Variants in SETD9 observed in about 807,000 individuals in gnomAD.
SETD9 encodes the protein SET domain containing 9.
SETD9 carries 37 observed loss-of-function variants against 36.4 expected under a neutral mutation model. That is an observed-to-expected ratio of 1.02 (90% confidence interval 0.78 to 1.34). The LOEUF (loss-of-function observed/expected upper bound fraction) is 1.34. SETD9 is among the 40% of genes most tolerant of loss of function. The pLI, the probability that SETD9 is intolerant of heterozygous loss-of-function variation, is 0.00. For synonymous variants in SETD9, 128 were observed against 132.9 expected, an observed-to-expected ratio of 0.96 and a Z score of 0.26; for missense variants, 323 against 353.2, an observed-to-expected ratio of 0.91 and a Z score of 0.69.
At chr5:56,916,727 T>C (rs1749446133) in intron 5 of SETD9, 88 bp from the exon 6 acceptor site, 6 of 1,372,204 alleles carry the variant, frequency 4.4e-6, no homozygotes, top group African/African-American at 1.5e-5. Context: ...TGAGTAAAGT[T>C]ACCTCTATAA....
chr5:56,917,520 T>C (rs550376954), downstream of SETD9, among the ~76,000 whole-genome samples: 10 of 152,328 alleles, frequency 6.6e-5, no homozygotes, highest in African/African-American at 2.4e-4. Flanking sequence ...GTCTCATGTC[T>C]TCATGTGGAG....
At position 56,910,436 on chromosome 5, in the gene SETD9, C is replaced by T. The variant is rs1383289446; in HGVS notation, c.98+693C>T. 5 of 1,286,848 alleles carry T rather than the reference C, an allele frequency of 3.9e-6. No individual in the cohort carries two copies. In the South Asian group the frequency reaches 5.0e-5, roughly 13 times the overall value. 79.7% of individuals were successfully genotyped at this position (1,286,848 alleles called of 1,614,324 possible). The stretch of plus-strand genomic sequence containing the variant: ...TTATTAAGGGCGCACCAGTGATCAG[C>T]TCAACACCGTGCTCACCAAAGAGGC... On this transcript the variant is annotated intron_variant, in intron 1 of 5. Coordinates refer to ENST00000285947, the MANE Select transcript of SETD9 (RefSeq NM_153706.4).
chr5:56,909,679 C>T lies in SETD9; in HGVS notation c.34C>T (p.Arg12Ter). ...CCGTCTGCTGCGGGGCCTGTGGCAG[C>T]GATGGCGCCGTTACAAGTACCGCTT... Reference protein sequence around the residue: ...PGRLLRGLWQRWRRYKYRFVP... With the variant: ...PGRLLRGLWQ Residue 12 changes from arginine to a stop codon, truncating the protein, a stop_gained, in exon 1 of 6, where the codon CGA (arginine) becomes TGA (stop). Coordinates refer to ENST00000285947, the MANE Select transcript of SETD9 (RefSeq NM_153706.4). LOFTEE classifies it high-confidence loss of function. 1 of 1,609,396 alleles carries T rather than the reference C, an allele frequency of 6.2e-7. No homozygotes were observed. The highest frequency in any genetic ancestry group is 8.5e-7 in the Non-Finnish European group (1 of 1,178,478).
chr5:56,911,254 G>A lies in SETD9; in HGVS notation c.184G>A (p.Ala62Thr). Reference protein sequence around the residue: ...VLGTLLKVFQALFLNDFNKQS... With the variant: ...VLGTLLKVFQTLFLNDFNKQS... Reference sequence around the variant, plus strand: ...AGGAACATTACTGAAAGTTTTCCAGGCTCTATTCTTAAATGATTTCAATAA... The same window carrying A: ...AGGAACATTACTGAAAGTTTTCCAGACTCTATTCTTAAATGATTTCAATAA... Residue 62 changes from alanine to threonine, a missense_variant, in exon 2 of 6, where the codon GCT becomes ACT. By Grantham distance (58) the Ala-to-Thr change is moderately conservative. Transcript: ENST00000285947. 1 of 1,608,388 alleles carries A rather than the reference G, an allele frequency of 6.2e-7. No individual in the cohort carries two copies. Among genetic ancestry groups the A allele is most frequent in the Admixed American group, 1.7e-5 (1 of 58,890 alleles).
At chr5:56,910,102 C>G (rs1749032314) in intron 1 of SETD9, 1 of 1,252,302 alleles carries the variant, frequency 8.0e-7, no homozygotes, top group South Asian at 1.5e-5. Flanking sequence ...CTGTTCTTCC[C>G]TGTTGCGTTC....
At chr5:56,920,824 C>G (rs962819488), downstream of SETD9, 2 of 152,410 alleles carry the variant, frequency 1.3e-5, no homozygotes, top group African/African-American at 2.4e-5. Flanking sequence ...ATACAAAAAT[C>G]TTGCAAATTA....
downstream of SETD9, among the ~76,000 whole-genome samples, chr5:56,918,761 C>T (rs1398009321): frequency 2.0e-5 from 3 of 152,194 alleles, no homozygotes; most frequent in Non-Finnish European, 4.4e-5. Context: ...CTTTTATCCC[C>T]TTCTTGGCCT....
chr5:56,912,129 T>C (rs1749165789), intron 2 of SETD9: 2 of 958,562 alleles, frequency 2.1e-6, no homozygotes, highest in Admixed American at 1.2e-4. Flanking sequence ...CGCTCCAGCC[T>C]GGGTGACAGT....
chr5:56,910,249 A>G, intron 1 of SETD9: 1 of 1,300,724 alleles, frequency 7.7e-7, no homozygotes, highest in East Asian at 5.6e-5. Flanking sequence ...AAGCCAAGCC[A>G]GGGTTTATTT....
At chr5:56,923,545 A>G (rs1409625569) in intron 5 of SETD9, 4 of 1,613,948 alleles carry the variant, frequency 2.5e-6, no homozygotes, top group Non-Finnish European at 3.4e-6. Flanking sequence ...AACAATTCAC[A>G]TCTGTGGGGT....
chr5:56,913,222 T>A, intron 3 of SETD9, 88 bp downstream of exon 3: 2 of 1,416,152 alleles, frequency 1.4e-6, no homozygotes, highest in Non-Finnish European at 1.9e-6. Context: ...TGTACTTTAT[T>A]TATTTTTTAT....
At chr5:56,909,358 G>A (rs1380059705), upstream of SETD9, 4 of 335,238 alleles carry the variant, frequency 1.2e-5, no homozygotes, top group Non-Finnish European at 1.6e-5. Flanking sequence ...CCGCAACCAG[G>A]GCTAGCGCTT....
At chr5:56,927,773 T>C (rs936581178), downstream of SETD9, 5 of 152,210 alleles carry the variant, frequency 3.3e-5, no homozygotes, top group African/African-American at 9.6e-5. Flanking sequence ...GTACATTCTA[T>C]GGGTTTTGAC....
Position 56,911,217 on chromosome 5 carries a change from T to C in SETD9, c.147T>C (p.Asp49=), listed in dbSNP as rs1749102902. 1.3e-6 allele frequency: 2 copies of C among 1,581,432 alleles called. No individual in the cohort carries two copies. The highest frequency in any genetic ancestry group is 4.5e-5 in the East Asian group (2 of 44,762). ...PEESKDKVIS[D]EDVLGTLLKV... ...AATCCAAAGACAAAGTTATCTCAGA[T>C]GAAGATGTCCTAGGAACATTACTGA... is the stretch of plus-strand genomic sequence containing the variant. Residue 49 remains aspartate, a synonymous_variant, in exon 2 of 6, where the codon GAT becomes GAC. Transcript: ENST00000285947.
Position 56,917,309 on chromosome 5 carries a change from G to C in SETD9, c.*407G>C. The C allele has an allele frequency of 1.0e-6, 1 of 989,136 alleles. No individual in the cohort carries two copies. Among genetic ancestry groups the C allele is most frequent in the South Asian group, 4.6e-5 (1 of 21,538 alleles). 61.3% of individuals were successfully genotyped at this position (989,136 alleles called of 1,614,324 possible). ...CTTCTGTAAAAACTTTATTTTTACA[G>C]AATTGAGTAAAAAATACCTATTGTG... On this transcript the variant is annotated 3_prime_UTR_variant, in exon 6 of 6. Transcript: ENST00000285947.
In SETD9 at chr5:56,917,000, T is replaced by C; in HGVS notation, c.*98T>C. 1 of 1,397,466 alleles carries C rather than the reference T, an allele frequency of 7.2e-7. No homozygotes were observed. The highest frequency in any genetic ancestry group is 3.6e-5 in the Admixed American group (1 of 27,938). The allele number at this position is 1,397,466 out of a possible 1,614,324, so 86.6% of individuals were successfully genotyped here. On this transcript the variant is annotated 3_prime_UTR_variant, in exon 6 of 6. Coordinates refer to ENST00000285947, the MANE Select transcript of SETD9 (RefSeq NM_153706.4). ...TGAGTTCTACCTGTAAAACAAATAT[T>C]TTGAGACTTAATTGGAATAGGAATT... is the stretch of plus-strand genomic sequence containing the variant.
downstream of SETD9, among the ~76,000 whole-genome samples, chr5:56,927,464 T>G (rs1455538842): frequency 1.3e-5 from 2 of 152,134 alleles, no homozygotes; most frequent in Non-Finnish European, 2.9e-5. Context: ...CCAAAATGCT[T>G]CAGAACCCTG....
chr5:56,924,571 C>T (rs1034516060), intron 5 of SETD9, among the ~76,000 whole-genome samples: 2 of 152,204 alleles, frequency 1.3e-5, no homozygotes, highest in African/African-American at 2.4e-5. Flanking sequence ...AATGGACCAA[C>T]GGTCTACAGC....
At chr5:56,921,405 A>T (rs1333916759), downstream of SETD9, 1 of 152,502 alleles carries the variant, frequency 6.6e-6, no homozygotes, top group African/African-American at 2.4e-5. Context: ...CTGTGTGCAT[A>T]CAGGAATGCT....
Sources: gnomAD v4.1 joint callset for allele counts (sites outside exome capture counted in the v4.1 genomes callset) on GRCh38, gnomAD v4.1.1 for gene constraint, MANE v1.5 for transcripts, NCBI Gene and HGNC (gene_info 2026-07-23, HGNC 2026-07-21) for gene names.